DPY19L1: variants seen among roughly 807,000 people sequenced by gnomAD.
The protein encoded by DPY19L1 is protein C-mannosyl-transferase DPY19L1.
Under a neutral mutation model 96.9 loss-of-function variants are expected in DPY19L1, and 35 were observed. The observed-to-expected ratio is 0.36, with a 90% CI of 0.28 to 0.48. DPY19L1 has a LOEUF of 0.48. Ranked by LOEUF, DPY19L1 falls within the 20% of genes least tolerant of loss-of-function variation. DPY19L1 has a pLI of 0.99. For missense variants in DPY19L1, 521 were observed against 777.9 expected (o/e 0.67, Z 3.93); for synonymous variants, 205 against 252.6 (o/e 0.81, Z 1.79).
chr7:35,008,832 G>C (rs1394671742), intron 6 of DPY19L1, among the ~76,000 whole-genome samples: 1 of 152,064 alleles, frequency 6.6e-6, no homozygotes, highest in Non-Finnish European at 1.5e-5. Context: ...TAGACAGATG[G>C]GCAGTACTCA....
chr7:34,987,331 C>T (rs1162753362), intron 7 of DPY19L1, among the ~76,000 whole-genome samples: 3 of 151,944 alleles, frequency 2.0e-5, no homozygotes, highest in Non-Finnish European at 4.4e-5. Context: ...ATTATAAACC[C>T]TTTTACTGCA....
intron 17 of DPY19L1, among the ~76,000 whole-genome samples, chr7:34,942,297 C>T (rs1326051355): frequency 6.6e-6 from 1 of 152,122 alleles, no homozygotes; most frequent in Non-Finnish European, 1.5e-5. Context: ...TCTCTGAGGC[C>T]TCAAGCAAGG....
intron 7 of DPY19L1, among the ~76,000 whole-genome samples, chr7:34,989,252 G>T (rs1328536992): frequency 6.6e-6 from 1 of 152,160 alleles, no homozygotes; most frequent in Non-Finnish European, 1.5e-5. Context: ...AAAGAAAGTT[G>T]TATCAATTAC....
chr7:34,940,592 T>C (rs1284163786), intron 18 of DPY19L1, among the ~76,000 whole-genome samples: 1 of 151,938 alleles, frequency 6.6e-6, no homozygotes, highest in African/African-American at 2.4e-5. Flanking sequence ...CACAACCAAT[T>C]TACAAGGCCC....
intron 6 of DPY19L1, among the ~76,000 whole-genome samples, chr7:34,991,632 T>C (rs1785170158): frequency 6.6e-6 from 1 of 152,220 alleles, no homozygotes; most frequent in Non-Finnish European, 1.5e-5. Flanking sequence ...GTTTTGAACT[T>C]ACTCTAACAA....
At chr7:34,949,978 G>T in intron 13 of DPY19L1, 80 bp from the exon 14 acceptor site, 1 of 752,196 alleles carries the variant, frequency 1.3e-6, no homozygotes, top group Non-Finnish European at 2.1e-6. Flanking sequence ...TCTGAAAATA[G>T]TTTTCATTAC....
intron 1 of DPY19L1, among the ~76,000 whole-genome samples, chr7:35,030,746 G>C (rs571946540): frequency 2.5e-4 from 38 of 152,256 alleles, no homozygotes; most frequent in Non-Finnish European, 2.6e-4. Context: ...AATAGTTGTA[G>C]ATTTATGTAT....
At position 35,024,788 on chromosome 7, in the gene DPY19L1, G is replaced by A. The variant is rs552815465; in HGVS notation, c.299-6192C>T. Among the ~76,000 whole-genome samples the A allele has an allele frequency of 2.0e-5, 3 of 152,272 alleles. No homozygotes were observed. In the East Asian group the frequency reaches 5.8e-4, roughly 29 times the overall value. The stretch of plus-strand genomic sequence containing the variant: ...CCAGCTATCCTAGCTATAATACCAC[G>A]ATTACAGCACCTAAATAGCTAGTTA... On this transcript the variant is annotated intron_variant, in intron 1 of 21. Coordinates refer to ENST00000638088, the MANE Select transcript of DPY19L1 (RefSeq NM_001366673.1).
At chr7:35,033,523 T>C (rs1487429189) in intron 1 of DPY19L1, among the ~76,000 whole-genome samples, 2 of 152,208 alleles carry the variant, frequency 1.3e-5, no homozygotes, top group African/African-American at 2.4e-5. Context: ...TATTATCTCA[T>C]TTATTTTTTA....
chr7:35,016,430 G>C (rs774689218), intron 3 of DPY19L1, among the ~76,000 whole-genome samples: 3 of 152,168 alleles, frequency 2.0e-5, no homozygotes, highest in East Asian at 1.9e-4. Flanking sequence ...TAAATAAAAA[G>C]AAAGAATAAA....
At chr7:34,974,898 G>A (rs577498646) in intron 7 of DPY19L1, among the ~76,000 whole-genome samples, 4 of 151,946 alleles carry the variant, frequency 2.6e-5, no homozygotes, top group East Asian at 1.9e-4. Context: ...TATCTGCTAC[G>A]GTGATCTGTG....
Position 35,017,947 on chromosome 7 carries a change from C to T in DPY19L1, c.346G>A (p.Glu116Lys). The change falls in exon 3 of 22, where the codon GAA becomes AAA. Residue 116 changes from glutamate to lysine, a missense_variant. Physicochemically the swap from Glu to Lys is moderately conservative, Grantham distance 56. Coordinates refer to ENST00000638088, the MANE Select transcript of DPY19L1 (RefSeq NM_001366673.1). ...AGGTGAGAAAAATGACGGTCATTTTCAAAGAGGTGTGTTATATGGCTCCTG... is the reference window on the plus strand; with the variant it reads ...AGGTGAGAAAAATGACGGTCATTTTTAAAGAGGTGTGTTATATGGCTCCTG... Reference protein sequence around the residue: ...LHWSHITHLFENDRHFSHLST... With the variant: ...LHWSHITHLFKNDRHFSHLST... 1.2e-6 allele frequency: 2 copies of T among 1,604,866 alleles called. No individual in the cohort carries two copies. The highest frequency in any genetic ancestry group is 2.7e-5 in the African/African-American group (2 of 74,738).
chr7:35,027,186 A>G (rs1159697281), intron 1 of DPY19L1, among the ~76,000 whole-genome samples: 1 of 152,058 alleles, frequency 6.6e-6, no homozygotes, highest in East Asian at 1.9e-4. Context: ...CCTGGGCAAC[A>G]AGAGCAAAAC....
intron 11 of DPY19L1, 81 bp from the exon 12 acceptor site, chr7:34,955,448 A>AT: frequency 1.3e-6 from 2 of 1,544,180 alleles, no homozygotes; most frequent in Non-Finnish European, 1.8e-6. Flanking sequence ...CTTCTAAATA[A>AT]TAAGATTCTC....
intron 13 of DPY19L1, among the ~76,000 whole-genome samples, chr7:34,952,023 A>C (rs970483779): frequency 7.3e-5 from 11 of 150,334 alleles, no homozygotes; most frequent in African/African-American, 2.4e-4. Context: ...TTTCCCTCCC[A>C]AAAAGCCCTA....
At chr7:34,986,729 T>C (rs1485007352) in intron 7 of DPY19L1, among the ~76,000 whole-genome samples, 1 of 152,064 alleles carries the variant, frequency 6.6e-6, no homozygotes, top group East Asian at 1.9e-4. Flanking sequence ...AAATATGTTG[T>C]AGGTCATAAA....
Position 34,985,697 on chromosome 7 carries a change from G to A in DPY19L1, c.822+4187C>T, listed in dbSNP as rs1272167823. 3.3e-5 allele frequency among the ~76,000 whole-genome samples: 5 copies of A among 152,132 alleles called. No individual in the cohort carries two copies. In the South Asian group the frequency reaches 8.3e-4, roughly 25 times the overall value. ...TAAGTGTTGGAGAGGATGTGGAGAAGAGGGAACTCTTGCACACTGTTGGTA... is the reference window on the plus strand; with the variant it reads ...TAAGTGTTGGAGAGGATGTGGAGAAAAGGGAACTCTTGCACACTGTTGGTA... On this transcript the variant is annotated intron_variant, in intron 7 of 21. Coordinates refer to ENST00000638088, the MANE Select transcript of DPY19L1 (RefSeq NM_001366673.1).
chr7:34,931,975 T>C (rs187233395), intron 21 of DPY19L1, among the ~76,000 whole-genome samples: 1 of 152,336 alleles, frequency 6.6e-6, no homozygotes, highest in East Asian at 1.9e-4. Flanking sequence ...TATCCAGGTG[T>C]TGCGGAAAGA....
In DPY19L1 at chr7:35,034,979, C is replaced by T. The variant is rs186495225; in HGVS notation, c.298+2118G>A. On this transcript the variant is annotated intron_variant, in intron 1 of 21. Transcript: ENST00000638088. The stretch of plus-strand genomic sequence containing the variant: ...AAGGCAGCTTTCAAAAATGTCTAAA[C>T]TCTGCTCCTCTCTGCAGGATCTGAG... 1.3e-3 allele frequency among the ~76,000 whole-genome samples: 201 copies of T among 152,304 alleles called. 1 individual carries two copies. The highest frequency in any genetic ancestry group is 2.1e-3 in the Non-Finnish European group (140 of 68,034).
Sources: allele counts gnomAD v4.1 joint callset (sites outside exome capture counted in the v4.1 genomes callset), GRCh38; gene constraint gnomAD v4.1.1; transcripts MANE v1.5; gene names NCBI Gene and HGNC (gene_info 2026-07-23, HGNC 2026-07-21).